Variants in SLC9A9 observed in about 807,000 individuals in gnomAD.
SLC9A9 encodes solute carrier family 9 member A9.
Under a neutral mutation model 77.8 loss-of-function variants are expected in SLC9A9, and 62 were observed. The ratio of observed to expected loss-of-function variants is 0.80; its 90% CI spans 0.65 to 0.98. The LOEUF is 0.98. Among genes scored for constraint, SLC9A9 ranks in the 50% least tolerant of loss-of-function variants. SLC9A9 has a pLI of 0.00. For synonymous variants in SLC9A9, 320 were observed against 283.5 expected (o/e 1.13, Z -1.29); for missense variants, 775 against 774.9 (o/e 1.00, Z 0.00).
At chr3:143,518,215 T>C in intron 9 of SLC9A9, 2 of 1,597,826 alleles carry the variant, frequency 1.3e-6, no homozygotes, top group South Asian at 2.2e-5. Context: ...GCTTGTTCAC[T>C]TTGCGGGGGT....
At chr3:143,377,165 C>T (rs568326076) in intron 13 of SLC9A9, among the ~76,000 whole-genome samples, 86 of 152,298 alleles carry the variant, frequency 5.6e-4, no homozygotes, top group African/African-American at 2.0e-3. Context: ...CCTTCTTGAA[C>T]CTACTTATAT....
chr3:143,280,732 T>A (rs1407143670), intron 14 of SLC9A9, among the ~76,000 whole-genome samples: 2 of 151,982 alleles, frequency 1.3e-5, no homozygotes, highest in Non-Finnish European at 2.9e-5. Context: ...TGTATTTTTT[T>A]AGTAGAGACA....
At chr3:143,403,823 G>T (rs1379905122) in intron 12 of SLC9A9, among the ~76,000 whole-genome samples, 1 of 152,040 alleles carries the variant, frequency 6.6e-6, no homozygotes, top group African/African-American at 2.4e-5. Context: ...TTCCCTACTT[G>T]TAATTCACTG....
At chr3:143,728,470 T>C (rs1934718590) in intron 4 of SLC9A9, among the ~76,000 whole-genome samples, 2 of 151,936 alleles carry the variant, frequency 1.3e-5, no homozygotes, top group Non-Finnish European at 1.5e-5. Context: ...TGGAATAAAG[T>C]GGGCAAGGGG....
chr3:143,566,703 C>A (rs2037175284), intron 8 of SLC9A9, among the ~76,000 whole-genome samples: 1 of 152,062 alleles, frequency 6.6e-6, no homozygotes, highest in Non-Finnish European at 1.5e-5. Context: ...TAAAATTGCC[C>A]TAGGAATCTA....
intron 4 of SLC9A9, among the ~76,000 whole-genome samples, chr3:143,793,203 A>G (rs1210217388): frequency 6.6e-6 from 1 of 152,182 alleles, no homozygotes; most frequent in Non-Finnish European, 1.5e-5. Flanking sequence ...AATGAAAACC[A>G]CTGGATCTCT....
intron 14 of SLC9A9, among the ~76,000 whole-genome samples, chr3:143,282,736 T>C (rs899948956): frequency 2.0e-5 from 3 of 152,190 alleles, no homozygotes; most frequent in Admixed American, 6.5e-5. Context: ...AGAAGAAAGA[T>C]AGGACTGTGG....
At chr3:143,474,116 C>A (rs1198065947) in intron 11 of SLC9A9, among the ~76,000 whole-genome samples, 1 of 152,120 alleles carries the variant, frequency 6.6e-6, no homozygotes, top group Non-Finnish European at 1.5e-5. Flanking sequence ...GGAGGAAAAT[C>A]ATTCTAGGCT....
At chr3:143,504,790 T>C (rs2035984101) in intron 9 of SLC9A9, among the ~76,000 whole-genome samples, 1 of 152,208 alleles carries the variant, frequency 6.6e-6, no homozygotes, top group Admixed American at 6.5e-5. Context: ...ATTCCCATTT[T>C]ACCATTGGGA....
intron 4 of SLC9A9, among the ~76,000 whole-genome samples, chr3:143,778,522 T>C (rs543638777): frequency 1.3e-5 from 2 of 152,190 alleles, no homozygotes; most frequent in East Asian, 1.9e-4. Flanking sequence ...TGTGTATCAG[T>C]GCCTAAGTAC....
chr3:143,657,405 T>C (rs2038908935), intron 5 of SLC9A9, among the ~76,000 whole-genome samples: 1 of 152,194 alleles, frequency 6.6e-6, no homozygotes, highest in South Asian at 2.1e-4. Context: ...CTTGTAGCCT[T>C]CCTCAAACAG....
At chr3:143,306,383 G>T (rs548563727) in intron 14 of SLC9A9, among the ~76,000 whole-genome samples, 1 of 152,298 alleles carries the variant, frequency 6.6e-6, no homozygotes, top group South Asian at 2.1e-4. Flanking sequence ...TCCACCTACT[G>T]TCTCAACCAA....
intron 5 of SLC9A9, among the ~76,000 whole-genome samples, chr3:143,654,868 G>T (rs2038862063): frequency 6.6e-6 from 1 of 152,162 alleles, no homozygotes; most frequent in African/African-American, 2.4e-5. Flanking sequence ...TCTAACGAAA[G>T]CTTTGAGCTT....
At chr3:143,282,516 G>A (rs182031303) in intron 14 of SLC9A9, among the ~76,000 whole-genome samples, 57 of 152,272 alleles carry the variant, frequency 3.7e-4, no homozygotes, top group African/African-American at 1.3e-3. Context: ...ATATAAGCCT[G>A]AATCTATGGA....
chr3:143,558,902 A>C (rs976958208), intron 8 of SLC9A9, among the ~76,000 whole-genome samples: 7 of 152,140 alleles, frequency 4.6e-5, no homozygotes, highest in Non-Finnish European at 8.8e-5. Flanking sequence ...TCCCCACCCA[A>C]ATCTAATCTT....
At chr3:143,493,617 A>G (rs764293983) in intron 11 of SLC9A9, 36 bp downstream of exon 11, 1 of 1,570,600 alleles carries the variant, frequency 6.4e-7, no homozygotes, top group Non-Finnish European at 8.8e-7. Context: ...ATTGTGAGAA[A>G]ACCAGCAGCA....
At chr3:143,671,413 G>A (rs561420714) in intron 5 of SLC9A9, among the ~76,000 whole-genome samples, 1 of 152,094 alleles carries the variant, frequency 6.6e-6, no homozygotes, top group East Asian at 1.9e-4. Flanking sequence ...TCATTAACTT[G>A]CCGTGAAACC....
chr3:143,584,761 T>C (rs891999008), intron 6 of SLC9A9, among the ~76,000 whole-genome samples: 2 of 152,232 alleles, frequency 1.3e-5, no homozygotes, highest in African/African-American at 4.8e-5. Flanking sequence ...ATTAATGATA[T>C]CTTGGTCAAA....
rs185198120 is a variant in SLC9A9 at position 143,408,744 on chromosome 3, C to A, written c.1470-26630G>T. 7.8e-3 allele frequency among the ~76,000 whole-genome samples: 1,188 copies of A among 152,078 alleles called. 16 individuals carry two copies. Among genetic ancestry groups the A allele is most frequent in the African/African-American group, 0.027 (1,110 of 41,472 alleles). ...ACAAAAACATGAGTATCATAACAAG[C>A]AAGTAATGTTAGTACATAGAAGGAA... On this transcript the variant is annotated intron_variant, in intron 12 of 15. Coordinates refer to ENST00000316549, the MANE Select transcript of SLC9A9 (RefSeq NM_173653.4).
Sources: allele counts gnomAD v4.1 joint callset (sites outside exome capture counted in the v4.1 genomes callset), GRCh38; gene constraint gnomAD v4.1.1; transcripts MANE v1.5; gene names NCBI Gene and HGNC (gene_info 2026-07-23, HGNC 2026-07-21).